Variants in GPC6 observed in about 807,000 individuals in gnomAD.
GPC6 encodes the protein glypican 6, also known as glypican-6.
A neutral mutation model predicts 55.2 loss-of-function variants in GPC6; 14 were observed. The observed-to-expected ratio is 0.25, with a 90% confidence interval of 0.17 to 0.40. The LOEUF is 0.40. GPC6 is among the 10% of genes least tolerant of loss of function. GPC6 has a pLI of 1.00. For synonymous variants in GPC6, 278 were observed against 259.6 expected, an observed-to-expected ratio of 1.07 and a Z score of -0.68; for missense variants, 641 against 708.5, an observed-to-expected ratio of 0.90 and a Z score of 1.08.
intron 2 of GPC6, among the ~76,000 whole-genome samples, chr13:93,629,676 A>C (rs1166327072): frequency 6.6e-6 from 1 of 152,232 alleles, no homozygotes; most frequent in African/African-American, 2.4e-5. Context: ...CCCAACTGAT[A>C]AGATTCAGTA....
At chr13:93,936,627 C>G (rs969177444) in intron 3 of GPC6, among the ~76,000 whole-genome samples, 1 of 151,880 alleles carries the variant, frequency 6.6e-6, no homozygotes, top group Non-Finnish European at 1.5e-5. Context: ...GAACATTAAT[C>G]GAGTTACCTG....
At chr13:93,307,370 T>G (rs1007613200) in intron 1 of GPC6, among the ~76,000 whole-genome samples, 4 of 152,194 alleles carry the variant, frequency 2.6e-5, no homozygotes, top group African/African-American at 7.2e-5. Flanking sequence ...ATTCAGATTT[T>G]ATGATGAATC....
At chr13:94,147,861 T>C (rs1043097255) in intron 4 of GPC6, among the ~76,000 whole-genome samples, 1 of 152,164 alleles carries the variant, frequency 6.6e-6, no homozygotes, top group Non-Finnish European at 1.5e-5. Flanking sequence ...AAAAGTTATA[T>C]AAGATATAGG....
intron 1 of GPC6, among the ~76,000 whole-genome samples, chr13:93,454,189 A>C (rs2999501): frequency 0.4 from 58,544 of 146,462 alleles, 11,864 homozygotes; most frequent in Admixed American, 0.51. Flanking sequence ...ACAAACCTTG[A>C]GCTAGATACA....
intron 2 of GPC6, among the ~76,000 whole-genome samples, chr13:93,648,600 A>G (rs1465333063): frequency 1.3e-5 from 2 of 152,220 alleles, no homozygotes; most frequent in Admixed American, 6.5e-5. Context: ...AGTATTGCAG[A>G]GACTGATAAA....
At chr13:93,804,190 T>A (rs1245900074) in intron 2 of GPC6, among the ~76,000 whole-genome samples, 3 of 152,138 alleles carry the variant, frequency 2.0e-5, no homozygotes, top group Non-Finnish European at 4.4e-5. Flanking sequence ...ATAAAAAAAA[T>A]GGATGAGGCT....
At chr13:93,609,915 T>G (rs949154830) in intron 2 of GPC6, among the ~76,000 whole-genome samples, 1 of 152,048 alleles carries the variant, frequency 6.6e-6, no homozygotes, top group African/African-American at 2.4e-5. Flanking sequence ...ACTTTTGGAG[T>G]CTGGTTTTCC....
intron 4 of GPC6, among the ~76,000 whole-genome samples, chr13:94,220,392 G>T (rs763920473): frequency 3.9e-5 from 6 of 152,110 alleles, no homozygotes; most frequent in Admixed American, 6.6e-5. Context: ...TCTGAAGAGG[G>T]CAGGATTAGC....
At chr13:94,226,256 C>T (rs1890554610) in intron 4 of GPC6, among the ~76,000 whole-genome samples, 2 of 152,058 alleles carry the variant, frequency 1.3e-5, no homozygotes, top group South Asian at 4.1e-4. Flanking sequence ...AATGAAGATG[C>T]AAAATGTGAG....
chr13:93,977,310 CAG>C (rs1463164711), intron 3 of GPC6, among the ~76,000 whole-genome samples: 5 of 152,240 alleles, frequency 3.3e-5, no homozygotes, highest in East Asian at 3.9e-4. Flanking sequence ...GAGAAAGAAA[CAG>C]AGAGACAATC....
intron 1 of GPC6, among the ~76,000 whole-genome samples, chr13:93,428,660 C>A (rs898596815): frequency 1.3e-5 from 2 of 152,044 alleles, no homozygotes; most frequent in African/African-American, 4.8e-5. Context: ...TGCATTAGCA[C>A]CTCTGAGATT....
At chr13:93,550,223 C>T (rs974286943) in intron 2 of GPC6, among the ~76,000 whole-genome samples, 2 of 152,078 alleles carry the variant, frequency 1.3e-5, no homozygotes, top group Middle Eastern at 3.2e-3. Context: ...CCCTATCCTC[C>T]AAGAATGTCT....
chr13:93,644,338 T>C (rs1880083493), intron 2 of GPC6, among the ~76,000 whole-genome samples: 1 of 152,150 alleles, frequency 6.6e-6, no homozygotes, highest in South Asian at 2.1e-4. Context: ...GTATTTGCAC[T>C]TGAAGTCTCT....
intron 1 of GPC6, among the ~76,000 whole-genome samples, chr13:93,243,680 G>A (rs914803877): frequency 2.6e-5 from 4 of 152,174 alleles, no homozygotes; most frequent in African/African-American, 9.7e-5. Context: ...TTTCTCACTT[G>A]CCAGCTGTAG....
chr13:93,847,649 G>T (rs1210228329), intron 3 of GPC6, among the ~76,000 whole-genome samples: 4 of 152,144 alleles, frequency 2.6e-5, no homozygotes, highest in South Asian at 2.1e-4. Context: ...GACATTCATT[G>T]TCCCAAAATG....
At chr13:94,270,132 T>C (rs1207139977) in intron 4 of GPC6, among the ~76,000 whole-genome samples, 3 of 152,236 alleles carry the variant, frequency 2.0e-5, no homozygotes, top group African/African-American at 7.2e-5. Context: ...TTCATTTATC[T>C]CTCTATGAGA....
At chr13:93,938,055 A>C (rs1878530216) in intron 3 of GPC6, among the ~76,000 whole-genome samples, 1 of 147,098 alleles carries the variant, frequency 6.8e-6, no homozygotes, top group Non-Finnish European at 1.5e-5. Context: ...GACCAAAAAT[A>C]TCTCTTATGA....
intron 5 of GPC6, among the ~76,000 whole-genome samples, chr13:94,303,404 T>C (rs371873312): frequency 1.3e-5 from 2 of 152,338 alleles, no homozygotes; most frequent in East Asian, 3.9e-4. Context: ...TCCGGTCACC[T>C]TCCCAGCTAG....
chr13:93,255,910 G>C (rs1876935670), intron 1 of GPC6, among the ~76,000 whole-genome samples: 1 of 152,052 alleles, frequency 6.6e-6, no homozygotes. Context: ...AAAGTTGATG[G>C]ATTACTGGAG....
Sources: allele counts gnomAD v4.1 joint callset (sites outside exome capture counted in the v4.1 genomes callset), GRCh38; gene constraint gnomAD v4.1.1; transcripts MANE v1.5; gene names NCBI Gene and HGNC (gene_info 2026-07-23, HGNC 2026-07-21).